TUBGCP4: variants seen among roughly 807,000 people sequenced by gnomAD.
TUBGCP4 encodes gamma-tubulin complex component 4.
Under a neutral mutation model 91.6 loss-of-function variants are expected in TUBGCP4, and 54 were observed. The ratio of observed to expected loss-of-function variants is 0.59; its 90% confidence interval spans 0.47 to 0.74. The LOEUF (loss-of-function observed/expected upper bound fraction) is 0.74, where lower values mean the gene tolerates loss of function less well. Among genes scored for constraint, TUBGCP4 ranks in the 30% least tolerant of loss-of-function variants. TUBGCP4 has a pLI of 0.00. For missense variants in TUBGCP4, 593 were observed against 800.9 expected, an observed-to-expected ratio of 0.74 and a Z score of 3.13; for synonymous variants, 297 against 302.8, an observed-to-expected ratio of 0.98 and a Z score of 0.20.
intron 4 of TUBGCP4, chr15:43,377,558 G>T (rs866890782): frequency 2.9e-6 from 1 of 347,668 alleles, no homozygotes; most frequent in African/African-American, 2.3e-5. Context: ...GTTGCAGTGA[G>T]CTGGGATCCT....
At chr15:43,372,312 G>C (rs1013458927) in intron 1 of TUBGCP4, among the ~76,000 whole-genome samples, 4 of 152,108 alleles carry the variant, frequency 2.6e-5, no homozygotes, top group Non-Finnish European at 5.9e-5. Context: ...GACTGTGGAA[G>C]AGCAGAAAAA....
intron 6 of TUBGCP4, 149 bp from the exon 7 acceptor site, chr15:43,383,154 T>G: frequency 1.7e-6 from 1 of 592,116 alleles, no homozygotes; most frequent in Non-Finnish European, 2.8e-6. Context: ...TTCAGTGAGT[T>G]AGTTCACCCA....
rs1020664897 is a variant in TUBGCP4, at chr15:43,407,581, C to A, written c.*2367C>A. The stretch of plus-strand genomic sequence containing the variant: ...CCCCTAAAGCAATATCTGCAAGGAG[C>A]AAGGGAAAGTGAAGAAGGAAAGGAC... On this transcript the variant is annotated 3_prime_UTR_variant, in exon 18 of 18. Transcript: ENST00000564079. 1 of 1,602,316 alleles carries A rather than the reference C, an allele frequency of 6.2e-7. No homozygotes were observed. The highest frequency in any genetic ancestry group is 1.7e-5 in the Admixed American group (1 of 58,378).
At chr15:43,391,687 G>A (rs2044470384) in intron 9 of TUBGCP4, 1 of 152,258 alleles carries the variant, frequency 6.6e-6, no homozygotes, top group Non-Finnish European at 1.5e-5. Context: ...AGCCTCCCAA[G>A]TAACTGGGCC....
intron 1 of TUBGCP4, among the ~76,000 whole-genome samples, chr15:43,372,931 A>G (rs2044146891): frequency 6.6e-6 from 1 of 152,198 alleles, no homozygotes; most frequent in South Asian, 2.1e-4. Context: ...TTCTTCATTC[A>G]TCTACCCAGA....
At chr15:43,376,388 G>A in intron 2 of TUBGCP4, 115 bp from the exon 3 acceptor site, 1 of 1,600,734 alleles carries the variant, frequency 6.2e-7, no homozygotes, top group South Asian at 1.1e-5. Flanking sequence ...TCAAGTGAAG[G>A]CAAGGCCTCT....
intron 16 of TUBGCP4, chr15:43,404,072 C>G (rs181651641): frequency 3.8e-6 from 2 of 523,844 alleles, no homozygotes; most frequent in East Asian, 3.1e-5. Context: ...ACATCCTCCC[C>G]CCTCCTTACT....
chr15:43,394,083 ATTTT>A (rs34365893), intron 9 of TUBGCP4: 7 of 113,562 alleles, frequency 6.2e-5, no homozygotes, highest in Admixed American at 9.2e-5. Context: ...TTTTCTCACT[ATTTT>A]TTTTTTTTTT....
At chr15:43,392,122 ATTT>A (rs200842581) in intron 9 of TUBGCP4, among the ~76,000 whole-genome samples, 99 of 142,188 alleles carry the variant, frequency 7.0e-4, no homozygotes, top group Non-Finnish European at 1.1e-3. Context: ...ACACACACAT[ATTT>A]TTTTTTGTTT....
intron 8 of TUBGCP4, 59 bp from the exon 9 acceptor site, chr15:43,386,147 A>G: frequency 6.4e-7 from 1 of 1,554,156 alleles, no homozygotes; most frequent in Non-Finnish European, 8.7e-7. Context: ...CTCCCCAGAA[A>G]ACCCTAACTG....
intron 9 of TUBGCP4, among the ~76,000 whole-genome samples, chr15:43,393,156 A>T (rs1358038509): frequency 6.7e-6 from 1 of 150,288 alleles, no homozygotes; most frequent in Non-Finnish European, 1.5e-5. Context: ...TCTATTGTTT[A>T]TACCAGTGTG....
chr15:43,374,889 A>G (rs1208637255), intron 1 of TUBGCP4, among the ~76,000 whole-genome samples: 1 of 152,230 alleles, frequency 6.6e-6, no homozygotes, highest in African/African-American at 2.4e-5. Context: ...TAAGCCAGTC[A>G]CAAAAGGACA....
At chr15:43,392,092 A>G (rs2044478768) in intron 9 of TUBGCP4, among the ~76,000 whole-genome samples, 1 of 150,526 alleles carries the variant, frequency 6.6e-6, no homozygotes, top group East Asian at 1.9e-4. Flanking sequence ...ACACACACAC[A>G]CACACACACA....
In TUBGCP4 at chr15:43,408,249, GGTT is replaced by G; in HGVS notation, c.*3037_*3039del. 1 of 726,646 alleles carries G rather than the reference GGTT, an allele frequency of 1.4e-6. No homozygotes were observed. Among genetic ancestry groups the G allele is most frequent in the South Asian group, 1.9e-5 (1 of 51,520 alleles). 45.0% of individuals were successfully genotyped at this position (726,646 alleles called of 1,614,324 possible). A position where few individuals can be genotyped will look rare whatever the true frequency, so the allele number is the denominator to read the frequency against. Reference sequence around the variant, plus strand: ...TCCCAGCACTTTGGGAGGCTGTCGTGGTTGGATCTCTTGGGCCTGGGAGTTCGA... The same window carrying G: ...TCCCAGCACTTTGGGAGGCTGTCGTGGGATCTCTTGGGCCTGGGAGTTCGA... On this transcript the variant is annotated 3_prime_UTR_variant, in exon 18 of 18. Coordinates refer to ENST00000564079, the MANE Select transcript of TUBGCP4 (RefSeq NM_014444.5).
Position 43,405,299 on chromosome 15 carries a change from C to A in TUBGCP4, c.*85C>A, listed in dbSNP as rs770991434. ...CAAAACATCCCATTCTAGCCACACA[C>A]AAATAAATATCTGCGGCTTAGTGAT... On this transcript the variant is annotated 3_prime_UTR_variant, in exon 18 of 18. Transcript: ENST00000564079. The A allele has an allele frequency of 1.4e-6, 2 of 1,478,344 alleles. No individual in the cohort carries two copies. Among genetic ancestry groups the A allele is most frequent in the Non-Finnish European group, 1.9e-6 (2 of 1,058,388 alleles). 91.6% of individuals were successfully genotyped at this position (1,478,344 alleles called of 1,614,324 possible). A position where few individuals can be genotyped will look rare whatever the true frequency, so the allele number is the denominator to read the frequency against.
intron 5 of TUBGCP4, among the ~76,000 whole-genome samples, 165 bp downstream of exon 5, chr15:43,378,068 A>G (rs2044235484): frequency 6.6e-6 from 1 of 152,184 alleles, no homozygotes; most frequent in Non-Finnish European, 1.5e-5. Context: ...CAGGAATGCA[A>G]AAGTATGACT....
intron 9 of TUBGCP4, chr15:43,391,683 C>T (rs569783941): frequency 6.6e-6 from 1 of 152,390 alleles, no homozygotes; most frequent in South Asian, 2.1e-4. Context: ...CCCCAGCCTC[C>T]CAAGTAACTG....
At chr15:43,382,102 C>T (rs540478915) in intron 6 of TUBGCP4, among the ~76,000 whole-genome samples, 2 of 151,874 alleles carry the variant, frequency 1.3e-5, no homozygotes, top group East Asian at 3.9e-4. Context: ...GGCCCAGCTA[C>T]TTAGGAGGCT....
intron 3 of TUBGCP4, 128 bp from the exon 4 acceptor site, chr15:43,376,886 A>T: frequency 4.3e-6 from 4 of 932,298 alleles, no homozygotes; most frequent in African/African-American, 1.7e-5. Context: ...AACCTGATTA[A>T]ATTATCAGTT....
Sources: gnomAD v4.1 joint callset for allele counts (sites outside exome capture counted in the v4.1 genomes callset) on GRCh38, gnomAD v4.1.1 for gene constraint, MANE v1.5 for transcripts, NCBI Gene and HGNC (gene_info 2026-07-23, HGNC 2026-07-21) for gene names.